Variants in JAKMIP2 observed in about 807,000 individuals in gnomAD.
JAKMIP2 encodes the protein janus kinase and microtubule-interacting protein 2.
A neutral mutation model predicts 115.0 loss-of-function variants in JAKMIP2; 25 were observed. That is an observed-to-expected ratio of 0.22 (90% CI 0.16 to 0.30). The LOEUF is 0.30. Ranked by LOEUF, JAKMIP2 falls within the 10% of genes least tolerant of loss-of-function variation. The pLI is 1.00. For missense variants in JAKMIP2, 642 were observed against 957.6 expected, an observed-to-expected ratio of 0.67 and a Z score of 4.35; for synonymous variants, 334 against 343.6, an observed-to-expected ratio of 0.97 and a Z score of 0.31.
intron 1 of JAKMIP2, among the ~76,000 whole-genome samples, chr5:147,719,670 C>A (rs1045946625): frequency 4.0e-5 from 6 of 151,092 alleles, no homozygotes; most frequent in South Asian, 2.1e-4. Context: ...AGGATTGCAA[C>A]CCCTGCCTTT....
chr5:147,781,848 T>C (rs2127101146), intron 1 of JAKMIP2, among the ~76,000 whole-genome samples: 1 of 152,354 alleles, frequency 6.6e-6, no homozygotes, highest in East Asian at 1.9e-4. Flanking sequence ...AAGTGACATG[T>C]GTATATATGA....
rs80340065 is a variant in JAKMIP2, at chr5:147,604,054, G to C, written c.2413-2243C>G. ...GCTTATGAATTAGCAGAGAGAGAGAGCTAAGAGCTGGCCATTCACAAGTGT... is the reference window on the plus strand; with the variant it reads ...GCTTATGAATTAGCAGAGAGAGAGACCTAAGAGCTGGCCATTCACAAGTGT... On this transcript the variant is annotated intron_variant, in intron 20 of 21. Coordinates refer to ENST00000616793, the MANE Select transcript of JAKMIP2 (RefSeq NM_001270941.2). Among the ~76,000 whole-genome samples, 897 of 151,944 alleles carry C rather than the reference G, an allele frequency of 5.9e-3. 15 individuals carry two copies. The highest frequency in any genetic ancestry group is 0.021 in the African/African-American group (864 of 41,434).
At chr5:147,731,653 C>T (rs562369451) in intron 1 of JAKMIP2, among the ~76,000 whole-genome samples, 7 of 152,254 alleles carry the variant, frequency 4.6e-5, no homozygotes, top group African/African-American at 7.2e-5. Flanking sequence ...TTAAATTAAT[C>T]GTCATGTTTA....
Position 147,632,785 on chromosome 5 carries a change from A to T in JAKMIP2, c.1678-7T>A. ...CTGCCTCCTGTTTTTCTATCTAATA[A>T]AGTAAATCCTGAAGTTAGGTAAGCA... On this transcript the variant is annotated splice_polypyrimidine_tract_variant and splice_region_variant and intron_variant, in intron 12 of 21. Transcript: ENST00000616793. 1 of 1,579,468 alleles carries T rather than the reference A, an allele frequency of 6.3e-7. No homozygotes were observed. The highest frequency in any genetic ancestry group is 8.7e-7 in the Non-Finnish European group (1 of 1,150,012).
chr5:147,618,106 C>T lies in JAKMIP2; in HGVS notation c.2151G>A (p.Gln717=). The T allele has an allele frequency of 6.2e-7, 1 of 1,612,316 alleles. No homozygotes were observed. Among genetic ancestry groups the T allele is most frequent in the Non-Finnish European group, 8.5e-7 (1 of 1,178,380 alleles). Residue 717 remains glutamine (Q), a synonymous_variant, in exon 19 of 22, where the codon CAG becomes CAA. Coordinates refer to ENST00000616793, the MANE Select transcript of JAKMIP2 (RefSeq NM_001270941.2). The stretch of plus-strand genomic sequence containing the variant: ...CATTGTACAAAGTAGCTTCTAGTTC[C>T]TGGATTCTCTGGCAAATAGAATTAG... The part of the protein sequence containing the change: ...QALDQAYMRI[Q]ELEATLYNAL...
chr5:147,679,796 C>T (rs1416490137), intron 1 of JAKMIP2, among the ~76,000 whole-genome samples: 1 of 152,146 alleles, frequency 6.6e-6, no homozygotes, highest in Non-Finnish European at 1.5e-5. Flanking sequence ...GTCTCCAAAG[C>T]GGCTTAGCTA....
intron 1 of JAKMIP2, among the ~76,000 whole-genome samples, chr5:147,689,179 C>A (rs1351801286): frequency 6.6e-6 from 1 of 152,018 alleles, no homozygotes; most frequent in African/African-American, 2.4e-5. Flanking sequence ...CTTCAGGGAG[C>A]CGGGGAGGCT....
At position 147,641,717 on chromosome 5, in the gene JAKMIP2, C is replaced by CT; in HGVS notation, c.1271dup (p.Pro425AlafsTer3). The CT allele has an allele frequency of 6.2e-7, 1 of 1,612,582 alleles. No individual in the cohort carries two copies. Among genetic ancestry groups the CT allele is most frequent in the Non-Finnish European group, 8.5e-7 (1 of 1,178,724 alleles). Reference sequence around the variant, plus strand: ...TTTGATTTCTTATTACCTTAATTGGCTTGGAACTTCTTCTATGCTTTCTTC... The same window carrying CT: ...TTTGATTTCTTATTACCTTAATTGGCTTTGGAACTTCTTCTATGCTTTCTTC... On this transcript the variant is annotated frameshift_variant, in exon 8 of 22. Transcript: ENST00000616793. LOFTEE classifies it high-confidence loss of function.
At chr5:147,610,010 CTG>C (rs1434353306) in intron 20 of JAKMIP2, among the ~76,000 whole-genome samples, 1 of 152,132 alleles carries the variant, frequency 6.6e-6, no homozygotes, top group Non-Finnish European at 1.5e-5. Context: ...AGTTCTTGTG[CTG>C]TGTTTTTCAG....
intron 20 of JAKMIP2, among the ~76,000 whole-genome samples, chr5:147,611,929 CTT>C (rs1483178033): frequency 6.6e-6 from 1 of 151,878 alleles, no homozygotes; most frequent in Non-Finnish European, 1.5e-5. Flanking sequence ...GATGAAAGGT[CTT>C]TTTATGAATG....
chr5:147,642,404 T>C (rs1757922849), intron 7 of JAKMIP2, among the ~76,000 whole-genome samples: 1 of 152,158 alleles, frequency 6.6e-6, no homozygotes. Context: ...CATGGGAATT[T>C]GGGGTTTATT....
At chr5:147,704,631 A>G (rs1209660425) in intron 1 of JAKMIP2, among the ~76,000 whole-genome samples, 2 of 152,164 alleles carry the variant, frequency 1.3e-5, no homozygotes, top group African/African-American at 2.4e-5. Flanking sequence ...TAAATTAGCC[A>G]TTATTAGCTT....
At chr5:147,686,593 G>A (rs1230872158) in intron 1 of JAKMIP2, among the ~76,000 whole-genome samples, 1 of 152,042 alleles carries the variant, frequency 6.6e-6, no homozygotes, top group Admixed American at 6.6e-5. Context: ...TTGCTGAAGG[G>A]GTACCTGAAT....
intron 10 of JAKMIP2, among the ~76,000 whole-genome samples, chr5:147,637,404 C>G (rs993163768): frequency 1.3e-5 from 2 of 149,698 alleles, no homozygotes; most frequent in Admixed American, 6.8e-5. Context: ...TTCATGAAAG[C>G]CTTGTTCCAT....
At chr5:147,670,279 T>A (rs1450706151) in intron 2 of JAKMIP2, among the ~76,000 whole-genome samples, 1 of 152,206 alleles carries the variant, frequency 6.6e-6, no homozygotes, top group East Asian at 1.9e-4. Flanking sequence ...AATTAAAATT[T>A]AATAATGATG....
rs961662851 is a variant in JAKMIP2, at chr5:147,618,053, A to G, written c.2204T>C (p.Phe735Ser). The G allele has an allele frequency of 2.5e-6, 4 of 1,614,152 alleles. No individual in the cohort carries two copies. Among genetic ancestry groups the G allele is most frequent in the Non-Finnish European group, 3.4e-6 (4 of 1,179,996 alleles). Residue 735 changes from phenylalanine to serine, a missense_variant, in exon 19 of 22, where the codon TTT becomes TCT. This residue lies in a region of JAKMIP2 where 68 missense variants were observed against 104.6 expected (regional missense o/e 0.65). Transcript: ENST00000616793. ...NALQQETVIK[F>S]GELLSEKQQE... ...CTGTTTTTCACTTAATAATTCACCA[A>G]ACTTGATAACAGTTTCTTGCTGTAG...
intron 17 of JAKMIP2, among the ~76,000 whole-genome samples, chr5:147,623,120 G>A (rs1756927625): frequency 6.6e-6 from 1 of 151,928 alleles, no homozygotes; most frequent in Non-Finnish European, 1.5e-5. Flanking sequence ...TCACTATGTT[G>A]TCCAGGCTGG....
rs1756138459 is a variant in JAKMIP2, at chr5:147,608,347, G to A, written c.2412+3959C>T. 2.6e-5 allele frequency among the ~76,000 whole-genome samples: 4 copies of A among 152,260 alleles called. No homozygotes were observed. The South Asian group carries it at 8.3e-4, about 32-fold the overall frequency. ...TTTCCCTCTAAACACTGTTTTAGCT[G>A]TGTCCCAGAGATTCTGTTATGTTGT... On this transcript the variant is annotated intron_variant, in intron 20 of 21. Transcript: ENST00000616793.
chr5:147,605,203 A>ATTTTTTTTTTTTT (rs71001447), intron 20 of JAKMIP2, among the ~76,000 whole-genome samples: 1 of 100,522 alleles, frequency 9.9e-6, no homozygotes, highest in Non-Finnish European at 2.0e-5. Flanking sequence ...TATGTGCCAC[A>ATTTTTTTTTTTTT]TTTTTTTTTT....
Sources: allele counts gnomAD v4.1 joint callset (sites outside exome capture counted in the v4.1 genomes callset), GRCh38; gene constraint gnomAD v4.1.1; regional missense constraint gnomAD v4.1.1; transcripts MANE v1.5; gene names NCBI Gene and HGNC (gene_info 2026-07-23, HGNC 2026-07-21).